The following PPP2R3A variants were observed in gnomAD, a reference collection of about 807,000 sequenced individuals.
PPP2R3A encodes protein phosphatase 2 regulatory subunit B''alpha.
In PPP2R3A, 80 loss-of-function variants were observed where a neutral mutation model predicts 106.9. The observed-to-expected ratio is 0.75, with a 90% CI of 0.62 to 0.90. The LOEUF (loss-of-function observed/expected upper bound fraction) is 0.90, where lower values mean the gene tolerates loss of function less well. Among genes scored for constraint, PPP2R3A ranks in the 40% least tolerant of loss-of-function variants. The pLI, the probability that PPP2R3A is intolerant of heterozygous loss-of-function variation, is 0.00. For synonymous variants in PPP2R3A, 483 were observed against 468.3 expected (o/e 1.03, Z -0.41); for missense variants, 1,386 against 1,350.4 (o/e 1.03, Z -0.41).
At chr3:136,066,529 G>C (rs1351810223) in intron 5 of PPP2R3A, among the ~76,000 whole-genome samples, 1 of 152,160 alleles carries the variant, frequency 6.6e-6, no homozygotes, top group East Asian at 1.9e-4. Flanking sequence ...ATAAAGAGAA[G>C]AGGTTTAAGT....
intron 13 of PPP2R3A, among the ~76,000 whole-genome samples, chr3:136,127,913 A>G (rs1938244819): frequency 6.6e-6 from 1 of 152,184 alleles, no homozygotes; most frequent in Admixed American, 6.5e-5. Context: ...CAGCCAAACT[A>G]AGCTTCATAA....
chr3:136,070,480 T>C lies in PPP2R3A; in HGVS notation c.2472T>C (p.Asp824=). The change falls in exon 6 of 14, where the codon GAT becomes GAC. Residue 824 remains aspartate (D), a splice_region_variant and synonymous_variant. Coordinates refer to ENST00000264977, the MANE Select transcript of PPP2R3A (RefSeq NM_002718.5). ...GTTTTGGTTTTGATCTTTTTCAGGA[T>C]GTGGTGGATACCCACCCTGGTCTCA... ...EQEDFIPLLQ[D]VVDTHPGLTF... is the part of the protein sequence containing the mutation. 1 of 1,598,458 alleles carries C rather than the reference T, an allele frequency of 6.3e-7. No homozygotes were observed.
rs775658826 is a variant in PPP2R3A at position 136,001,543 on chromosome 3, C to T, written c.45C>T (p.Tyr15=). Residue 15 remains tyrosine (Y), a synonymous_variant, in exon 2 of 14, where the codon TAC becomes TAT. Coordinates refer to ENST00000264977, the MANE Select transcript of PPP2R3A (RefSeq NM_002718.5). ...TTGTGGTTAGTACTGTGAACCACTA[C>T]AGCAGCGTGGTGATAGACCGGCGTT... ...YRLVVSTVNH[Y]SSVVIDRRFE... 3.1e-6 allele frequency: 5 copies of T among 1,614,180 alleles called. No individual in the cohort carries two copies. Among genetic ancestry groups the T allele is most frequent in the East Asian group, 2.2e-5 (1 of 44,886 alleles).
chr3:136,128,126 G>A (rs1938254582), intron 13 of PPP2R3A, among the ~76,000 whole-genome samples: 1 of 152,032 alleles, frequency 6.6e-6, no homozygotes, highest in Non-Finnish European at 1.5e-5. Flanking sequence ...AATAACCAGT[G>A]AACATCATAA....
rs187165204 is a variant in PPP2R3A at position 135,972,352 on chromosome 3, C to T, written c.-441+6503C>T. Among the ~76,000 whole-genome samples, 22 of 152,254 alleles carry T rather than the reference C, an allele frequency of 1.4e-4. No homozygotes were observed. In the East Asian group the frequency reaches 3.1e-3, roughly 21 times the overall value. Reference sequence around the variant, plus strand: ...AATACTCCATTGTATGGATATACTACGTTTTGTTTATCAGTTGACATTTAG... The same window carrying T: ...AATACTCCATTGTATGGATATACTATGTTTTGTTTATCAGTTGACATTTAG... On this transcript the variant is annotated intron_variant, in intron 1 of 13. Transcript: ENST00000264977.
intron 13 of PPP2R3A, among the ~76,000 whole-genome samples, chr3:136,127,948 C>T (rs1468032717): frequency 4.6e-5 from 7 of 152,166 alleles, no homozygotes; most frequent in Non-Finnish European, 1.5e-5. Flanking sequence ...AAATCCTTTA[C>T]AGCCAAGCAA....
At chr3:136,000,028 C>A (rs746069824) in intron 1 of PPP2R3A, among the ~76,000 whole-genome samples, 1 of 152,124 alleles carries the variant, frequency 6.6e-6, no homozygotes, top group Admixed American at 6.6e-5. Flanking sequence ...TTTGTACTTG[C>A]GGTTATTCTA....
At chr3:136,126,365 C>T (rs1270894952) in intron 13 of PPP2R3A, among the ~76,000 whole-genome samples, 1 of 152,234 alleles carries the variant, frequency 6.6e-6, no homozygotes, top group Non-Finnish European at 1.5e-5. Flanking sequence ...GCCTTGCTCA[C>T]TGCTAGCGCA....
chr3:136,142,465 G>T (rs1938917139), intron 13 of PPP2R3A, among the ~76,000 whole-genome samples: 1 of 152,104 alleles, frequency 6.6e-6, no homozygotes, highest in African/African-American at 2.4e-5. Context: ...ACTTCCTTTT[G>T]CAAATGTTTT....
At chr3:136,020,838 AATAAG>A (rs1473087781) in intron 2 of PPP2R3A, among the ~76,000 whole-genome samples, 3 of 152,084 alleles carry the variant, frequency 2.0e-5, no homozygotes, top group Non-Finnish European at 4.4e-5. Context: ...GCTTTGGCTA[AATAAG>A]ATAATATGTT....
chr3:135,988,974 T>G (rs1171591435), intron 1 of PPP2R3A, among the ~76,000 whole-genome samples: 1 of 152,160 alleles, frequency 6.6e-6, no homozygotes, highest in Admixed American at 6.6e-5. Flanking sequence ...TGTTCGTATC[T>G]CTCCATTATA....
intron 3 of PPP2R3A, among the ~76,000 whole-genome samples, chr3:136,032,057 T>G (rs1460937348): frequency 6.6e-6 from 1 of 152,196 alleles, no homozygotes; most frequent in Non-Finnish European, 1.5e-5. Context: ...GATGGTATTT[T>G]TATAGGAATT....
At chr3:136,026,048 C>G (rs940756286) in intron 2 of PPP2R3A, among the ~76,000 whole-genome samples, 1 of 152,064 alleles carries the variant, frequency 6.6e-6, no homozygotes, top group African/African-American at 2.4e-5. Context: ...CTTTACTGAC[C>G]TTTCTAATGT....
intron 1 of PPP2R3A, among the ~76,000 whole-genome samples, chr3:135,996,170 A>C (rs1183210853): frequency 6.6e-6 from 1 of 152,246 alleles, no homozygotes; most frequent in South Asian, 2.1e-4. Flanking sequence ...GTCCAAAAAA[A>C]AATGTATTTT....
At chr3:136,069,445 G>A (rs1292343231) in intron 5 of PPP2R3A, among the ~76,000 whole-genome samples, 2 of 151,982 alleles carry the variant, frequency 1.3e-5, no homozygotes, top group East Asian at 3.9e-4. Context: ...GGTGTGGTGC[G>A]ACATACCTGT....
intron 1 of PPP2R3A, among the ~76,000 whole-genome samples, chr3:135,982,710 G>A (rs1937554565): frequency 1.3e-5 from 2 of 152,004 alleles, no homozygotes; most frequent in Admixed American, 1.3e-4. Flanking sequence ...TCTTGAAGTT[G>A]AACCTTGCTC....
chr3:136,030,778 A>ATATATGTATGTATG (rs1206335696), intron 3 of PPP2R3A, among the ~76,000 whole-genome samples: 13 of 111,304 alleles, frequency 1.2e-4, no homozygotes, highest in South Asian at 3.0e-4. Flanking sequence ...ATATATATAT[A>ATATATGTATGTATG]TATGTATGTA....
intron 13 of PPP2R3A, among the ~76,000 whole-genome samples, chr3:136,128,104 A>G (rs1938253616): frequency 6.6e-6 from 1 of 152,228 alleles, no homozygotes; most frequent in Non-Finnish European, 1.5e-5. Flanking sequence ...AACTGTATCA[A>G]TTAACAGGCA....
intron 5 of PPP2R3A, among the ~76,000 whole-genome samples, chr3:136,052,096 T>G (rs72983460): frequency 0.023 from 3,551 of 152,338 alleles, 135 homozygotes; most frequent in African/African-American, 0.081. Flanking sequence ...AATATTCCTA[T>G]GTTTTGTGAA....
Sources: allele counts gnomAD v4.1 joint callset (sites outside exome capture counted in the v4.1 genomes callset), GRCh38; gene constraint gnomAD v4.1.1; transcripts MANE v1.5; gene names NCBI Gene and HGNC (gene_info 2026-07-23, HGNC 2026-07-21).